Variants in UHMK1 observed in about 807,000 individuals in gnomAD.
The protein encoded by UHMK1 is serine/threonine-protein kinase Kist.
In UHMK1, 18 loss-of-function variants were observed where a neutral mutation model predicts 44.0. The ratio of observed to expected loss-of-function variants is 0.41; its 90% confidence interval spans 0.28 to 0.61. The LOEUF (loss-of-function observed/expected upper bound fraction) is 0.61. UHMK1 is among the 20% of genes least tolerant of loss of function. The pLI, the probability that UHMK1 is intolerant of heterozygous loss-of-function variation, is 0.31. For missense variants in UHMK1, 463 were observed against 522.5 expected, an observed-to-expected ratio of 0.89 and a Z score of 1.11; for synonymous variants, 231 against 198.5, an observed-to-expected ratio of 1.16 and a Z score of -1.38.
At chr1:162,512,974 C>T (rs991770434) in intron 6 of UHMK1, 151 bp downstream of exon 6, 22 of 770,702 alleles carry the variant, frequency 2.9e-5, no homozygotes, top group Non-Finnish European at 4.0e-5. Context: ...CTTTTTGAGG[C>T]GGAGTTTCAC....
intron 4 of UHMK1, among the ~76,000 whole-genome samples, chr1:162,509,518 C>T (rs1571010750): frequency 6.6e-6 from 1 of 152,278 alleles, no homozygotes; most frequent in South Asian, 2.1e-4. Flanking sequence ...TACCTTTTGG[C>T]TGTTTGGGTT....
chr1:162,515,639 C>T (rs1173178919), intron 6 of UHMK1, among the ~76,000 whole-genome samples: 1 of 152,314 alleles, frequency 6.6e-6, no homozygotes, highest in South Asian at 2.1e-4. Flanking sequence ...TTCTTGGAAT[C>T]AGTTCAGAAT....
Sources: allele counts gnomAD v4.1 joint callset (sites outside exome capture counted in the v4.1 genomes callset), GRCh38; gene constraint gnomAD v4.1.1; transcripts MANE v1.5; gene names NCBI Gene and HGNC (gene_info 2026-07-23, HGNC 2026-07-21).